The following CHODL variants were observed in gnomAD, a reference collection of about 807,000 sequenced individuals.
CHODL encodes the protein transmembrane protein MT75.
CHODL carries 29 observed loss-of-function variants against 34.5 expected under a neutral mutation model. The ratio of observed to expected loss-of-function variants is 0.84; its 90% CI spans 0.63 to 1.15. The LOEUF is 1.15. Ranked by LOEUF, CHODL falls within the 50% of genes most tolerant of loss-of-function variation. CHODL has a pLI of 0.00. For missense variants in CHODL, 332 were observed against 332.5 expected (o/e 1.00, Z 0.01); for synonymous variants, 125 against 116.1 (o/e 1.08, Z -0.49).
intron 2 of CHODL, among the ~76,000 whole-genome samples, chr21:18,070,087 C>T (rs994459993): frequency 1.6e-4 from 20 of 128,764 alleles, no homozygotes; most frequent in African/African-American, 5.8e-4. Context: ...TCTTTTCTTT[C>T]GTTCTCTGGC....
chr21:18,239,060 C>T (rs1231707096), intron 2 of CHODL, among the ~76,000 whole-genome samples: 11 of 152,056 alleles, frequency 7.2e-5, no homozygotes, highest in African/African-American at 2.2e-4. Flanking sequence ...GTAACATGCT[C>T]CGTTAAATTT....
intron 2 of CHODL, among the ~76,000 whole-genome samples, chr21:18,160,812 A>G (rs1439991190): frequency 6.6e-6 from 1 of 152,080 alleles, no homozygotes; most frequent in Non-Finnish European, 1.5e-5. Flanking sequence ...ATGTGTCTTT[A>G]TAACAGATGA....
intron 2 of CHODL, among the ~76,000 whole-genome samples, chr21:18,121,945 AT>A (rs2065484626): frequency 1.3e-5 from 2 of 152,106 alleles, no homozygotes; most frequent in South Asian, 4.1e-4. Flanking sequence ...ATGAATGCAG[AT>A]TTTTATTATC....
chr21:18,113,997 G>A (rs2065382620), intron 2 of CHODL, among the ~76,000 whole-genome samples: 1 of 152,204 alleles, frequency 6.6e-6, no homozygotes. Flanking sequence ...CAACAACGTG[G>A]ATGGAACTGG....
At chr21:18,260,850 A>AAC (rs1568963338) in intron 4 of CHODL, among the ~76,000 whole-genome samples, 3,883 of 108,850 alleles carry the variant, frequency 0.036, 141 homozygotes, top group African/African-American at 0.16. Flanking sequence ...ACAACAACAA[A>AAC]AAAACACCAC....
chr21:18,130,365 A>T (rs1300308794), intron 2 of CHODL, among the ~76,000 whole-genome samples: 2 of 152,246 alleles, frequency 1.3e-5, no homozygotes, highest in African/African-American at 2.4e-5. Context: ...GGTGGCTGGT[A>T]GAACTGACTC....
At chr21:17,939,713 C>T (rs1032404894) in intron 1 of CHODL, among the ~76,000 whole-genome samples, 4 of 152,250 alleles carry the variant, frequency 2.6e-5, no homozygotes, top group South Asian at 2.1e-4. Context: ...TCACATTGTC[C>T]GTGAATAAAA....
At chr21:18,144,091 C>T (rs372479355) in intron 2 of CHODL, among the ~76,000 whole-genome samples, 7 of 152,060 alleles carry the variant, frequency 4.6e-5, no homozygotes, top group Non-Finnish European at 7.4e-5. Context: ...TTCTTGTATT[C>T]GGTCAATAAT....
At chr21:18,215,169 G>A (rs746334867) in intron 2 of CHODL, among the ~76,000 whole-genome samples, 1 of 150,480 alleles carries the variant, frequency 6.6e-6, no homozygotes, top group Admixed American at 6.6e-5. Context: ...AAGGAAGAGA[G>A]AACTCAGGCT....
intron 2 of CHODL, among the ~76,000 whole-genome samples, chr21:18,193,722 A>C (rs2073545394): frequency 6.7e-6 from 1 of 148,826 alleles, no homozygotes; most frequent in South Asian, 2.1e-4. Context: ...AAAATAAATA[A>C]ATAAATAAAT....
Position 18,262,902 on chromosome 21 carries a change from C to T in CHODL, c.737+9C>T. 1 of 1,481,436 alleles carries T rather than the reference C, an allele frequency of 6.8e-7. No homozygotes were observed. Among genetic ancestry groups the T allele is most frequent in the Non-Finnish European group, 9.4e-7 (1 of 1,060,320 alleles). The allele number at this position is 1,481,436 out of a possible 1,614,324, so 91.8% of individuals were successfully genotyped here. On this transcript the variant is annotated intron_variant, in intron 5 of 5. Transcript: ENST00000299295. ...CAGATGCTGCATAAAAGGTAAATAA[C>T]TCATATATGTAGAGACAATTTGAAA...
chr21:18,060,303 A>C (rs1483709254), intron 2 of CHODL, among the ~76,000 whole-genome samples: 1 of 151,854 alleles, frequency 6.6e-6, no homozygotes, highest in Non-Finnish European at 1.5e-5. Flanking sequence ...AAAAATACAA[A>C]AATTGGCCTA....
intron 1 of CHODL, among the ~76,000 whole-genome samples, chr21:17,930,217 G>C (rs1260512466): frequency 6.6e-6 from 1 of 151,928 alleles, no homozygotes; most frequent in African/African-American, 2.4e-5. Context: ...ACAGCTGTTA[G>C]CTTTCACTGC....
At chr21:18,187,708 T>A (rs2073460622) in intron 2 of CHODL, among the ~76,000 whole-genome samples, 1 of 152,188 alleles carries the variant, frequency 6.6e-6, no homozygotes, top group South Asian at 2.1e-4. Flanking sequence ...ATTATCTCTG[T>A]TCTATTGCAA....
chr21:17,987,607 C>A (rs976128220), intron 1 of CHODL, among the ~76,000 whole-genome samples: 1 of 151,900 alleles, frequency 6.6e-6, no homozygotes, highest in Non-Finnish European at 1.5e-5. Context: ...TATACAGACC[C>A]TTGCCAAGGA....
intron 2 of CHODL, among the ~76,000 whole-genome samples, chr21:18,127,066 C>T (rs746637276): frequency 3.3e-5 from 5 of 152,018 alleles, no homozygotes; most frequent in Non-Finnish European, 5.9e-5. Flanking sequence ...TCACATTTGC[C>T]AGGATTTAAA....
At chr21:18,102,169 A>T (rs1688164) in intron 2 of CHODL, among the ~76,000 whole-genome samples, 71,376 of 152,060 alleles carry the variant, frequency 0.47, 17,533 homozygotes, top group African/African-American at 0.53. Context: ...AACTTCAGTC[A>T]AACTGAGTTT....
At chr21:18,104,553 T>TCATAGAAAATACC (rs1162595463) in intron 2 of CHODL, among the ~76,000 whole-genome samples, 2 of 152,134 alleles carry the variant, frequency 1.3e-5, no homozygotes, top group African/African-American at 4.8e-5. Flanking sequence ...TATACCATAG[T>TCATAGAAAATACC]CATAGAAAAT....
At chr21:18,151,988 CTGTGTGTGTGTGTGTGTGTG>C (rs71941239) in intron 2 of CHODL, among the ~76,000 whole-genome samples, 2 of 146,508 alleles carry the variant, frequency 1.4e-5, no homozygotes, top group African/African-American at 2.5e-5. Context: ...GTATATAACT[CTGTGTGTGTGTGTGTGTGTG>C]TGTGTGTGTG....
Sources: gnomAD v4.1 joint callset for allele counts (sites outside exome capture counted in the v4.1 genomes callset) on GRCh38, gnomAD v4.1.1 for gene constraint, MANE v1.5 for transcripts, NCBI Gene and HGNC (gene_info 2026-07-23, HGNC 2026-07-21) for gene names.